The following CAMKMT variants were observed in gnomAD, a reference collection of about 807,000 sequenced individuals.
The protein encoded by CAMKMT is calmodulin-lysine N-methyltransferase, also known as CaM KMT.
A neutral mutation model predicts 48.0 loss-of-function variants in CAMKMT; 53 were observed. The ratio of observed to expected loss-of-function variants is 1.10; its 90% CI spans 0.89 to 1.39. CAMKMT has a LOEUF of 1.39. Among genes scored for constraint, CAMKMT ranks in the 40% most tolerant of loss-of-function variants. The pLI is 0.00. For synonymous variants in CAMKMT, 165 were observed against 152.3 expected, an observed-to-expected ratio of 1.08 and a Z score of -0.61; for missense variants, 428 against 402.7, an observed-to-expected ratio of 1.06 and a Z score of -0.54.
At chr2:44,673,504 A>AGGAG (rs764228143) in intron 3 of CAMKMT, among the ~76,000 whole-genome samples, 1 of 143,960 alleles carries the variant, frequency 6.9e-6, no homozygotes, top group African/African-American at 2.6e-5. Context: ...GAAGGAAGGA[A>AGGAG]GGAAGGAAGG....
At chr2:44,659,523 A>G (rs1674564493) in intron 3 of CAMKMT, among the ~76,000 whole-genome samples, 1 of 150,058 alleles carries the variant, frequency 6.7e-6, no homozygotes, top group South Asian at 2.1e-4. Flanking sequence ...TGAGCTCAGG[A>G]GTTCTAGACC....
At chr2:44,395,823 TA>T (rs1216773624) in intron 3 of CAMKMT, among the ~76,000 whole-genome samples, 4 of 152,176 alleles carry the variant, frequency 2.6e-5, no homozygotes, top group Admixed American at 2.0e-4. Context: ...AGATAGAAGA[TA>T]TTTTTGGTAT....
intron 3 of CAMKMT, among the ~76,000 whole-genome samples, chr2:44,502,867 C>T (rs1290280287): frequency 6.6e-6 from 1 of 151,912 alleles, no homozygotes; most frequent in Non-Finnish European, 1.5e-5. Context: ...AAGGAAAATA[C>T]TATGTATTAA....
At chr2:44,468,699 G>A (rs1048615325) in intron 3 of CAMKMT, among the ~76,000 whole-genome samples, 4 of 152,126 alleles carry the variant, frequency 2.6e-5, no homozygotes, top group African/African-American at 7.2e-5. Context: ...AGAGAGGATT[G>A]TTTGAACCTA....
intron 3 of CAMKMT, among the ~76,000 whole-genome samples, chr2:44,680,214 C>T (rs1375030731): frequency 6.6e-6 from 1 of 152,152 alleles, no homozygotes; most frequent in African/African-American, 2.4e-5. Context: ...TTTCCTCCTG[C>T]AGTGTATGCA....
Position 44,446,031 on chromosome 2 carries a change from G to A in CAMKMT, c.376+55726G>A, listed in dbSNP as rs56112240. Among the ~76,000 whole-genome samples, 51 of 152,144 alleles carry A rather than the reference G, an allele frequency of 3.4e-4. 1 individual carries two copies. The highest frequency in any genetic ancestry group is 1.2e-3 in the African/African-American group (48 of 41,514). ...AATGTCAGTTAGACATACTTCTTTA[G>A]AGGGGGGAATGTGACAGCCAAGTAT... is the stretch of plus-strand genomic sequence containing the variant. On this transcript the variant is annotated intron_variant, in intron 3 of 10. Coordinates refer to ENST00000378494, the MANE Select transcript of CAMKMT (RefSeq NM_024766.5).
chr2:44,456,660 T>C, intron 3 of CAMKMT: 3 of 1,530,678 alleles, frequency 2.0e-6, no homozygotes, highest in South Asian at 1.2e-5. Context: ...AGATGGGACT[T>C]ATAAGAAAAG....
intron 3 of CAMKMT, among the ~76,000 whole-genome samples, chr2:44,514,200 A>G (rs928501491): frequency 2.6e-5 from 4 of 152,128 alleles, no homozygotes; most frequent in Admixed American, 6.5e-5. Flanking sequence ...GAGGAGGTGA[A>G]GAATCTGAAT....
chr2:44,738,761 A>C lies in CAMKMT; in HGVS notation c.624-4861A>C, dbSNP rs961933458. On this transcript the variant is annotated intron_variant, in intron 7 of 10. Coordinates refer to ENST00000378494, the MANE Select transcript of CAMKMT (RefSeq NM_024766.5). ...AGGGTAATAGCTGCTACAGAAAAAT[A>C]AAGAGCAAGATAAGGGGGTTTTAGA... 3.9e-5 allele frequency among the ~76,000 whole-genome samples: 6 copies of C among 152,224 alleles called. No individual in the cohort carries two copies. In the East Asian group the frequency reaches 1.2e-3, roughly 29 times the overall value.
At chr2:44,648,785 A>G (rs899831628) in intron 3 of CAMKMT, among the ~76,000 whole-genome samples, 1 of 152,168 alleles carries the variant, frequency 6.6e-6, no homozygotes. Context: ...GCGTTGCTTC[A>G]TAACCCTTCT....
At chr2:44,719,989 G>C (rs7591654) in intron 7 of CAMKMT, among the ~76,000 whole-genome samples, 5,250 of 152,238 alleles carry the variant, frequency 0.034, 268 homozygotes, top group African/African-American at 0.12. Context: ...GTTTCCTTCT[G>C]TTGCTATCTT....
intron 3 of CAMKMT, among the ~76,000 whole-genome samples, chr2:44,591,837 G>C (rs1030472969): frequency 6.6e-6 from 1 of 151,918 alleles, no homozygotes; most frequent in Admixed American, 6.6e-5. Context: ...TGATAGACTG[G>C]ATTAAGAAAA....
intron 3 of CAMKMT, among the ~76,000 whole-genome samples, chr2:44,614,938 T>TTTTTG (rs1671797060): frequency 1.0e-5 from 1 of 95,722 alleles, no homozygotes; most frequent in African/African-American, 4.4e-5. Context: ...TCTCCTTGCT[T>TTTTTG]TTTTTTTTTT....
chr2:44,615,991 C>T (rs553832611), intron 3 of CAMKMT, among the ~76,000 whole-genome samples: 36 of 152,262 alleles, frequency 2.4e-4, no homozygotes, highest in South Asian at 6.2e-4. Context: ...CTCTAGTTTC[C>T]CTAGATCAGG....
chr2:44,377,984 T>G (rs2104376787), intron 2 of CAMKMT, among the ~76,000 whole-genome samples: 1 of 152,328 alleles, frequency 6.6e-6, no homozygotes, highest in Admixed American at 6.5e-5. Context: ...GTATGTGTAG[T>G]ATAACCTAGG....
At chr2:44,395,674 T>A (rs1681766751) in intron 3 of CAMKMT, among the ~76,000 whole-genome samples, 1 of 152,148 alleles carries the variant, frequency 6.6e-6, no homozygotes, top group East Asian at 1.9e-4. Context: ...ATAAGTACTT[T>A]ATAGTGAGGT....
At chr2:44,555,512 A>G (rs910349381) in intron 3 of CAMKMT, among the ~76,000 whole-genome samples, 1 of 152,140 alleles carries the variant, frequency 6.6e-6, no homozygotes, top group Non-Finnish European at 1.5e-5. Context: ...GGACAGTTAG[A>G]AGAGCTTTCC....
At chr2:44,676,249 A>G (rs1449858316) in intron 3 of CAMKMT, among the ~76,000 whole-genome samples, 2 of 152,024 alleles carry the variant, frequency 1.3e-5, no homozygotes, top group Non-Finnish European at 2.9e-5. Context: ...ATCTACTCCC[A>G]TATTTTTAAT....
chr2:44,401,328 G>T (rs977708542), intron 3 of CAMKMT, among the ~76,000 whole-genome samples: 1 of 152,062 alleles, frequency 6.6e-6, no homozygotes, highest in African/African-American at 2.4e-5. Flanking sequence ...GAGGTGAGGC[G>T]GGTGGATCAC....
Sources: gnomAD v4.1 joint callset for allele counts (sites outside exome capture counted in the v4.1 genomes callset) on GRCh38, gnomAD v4.1.1 for gene constraint, MANE v1.5 for transcripts, NCBI Gene and HGNC (gene_info 2026-07-23, HGNC 2026-07-21) for gene names.